IL1RAPL2: variants seen among roughly 807,000 people sequenced by gnomAD.
The protein encoded by IL1RAPL2 is X-linked interleukin-1 receptor accessory protein-like 2.
In IL1RAPL2, 3 loss-of-function variants were observed where a neutral mutation model predicts 44.1. The ratio of observed to expected loss-of-function variants is 0.07; its 90% CI spans 0.03 to 0.18. The LOEUF (loss-of-function observed/expected upper bound fraction) is 0.18, where lower values mean the gene tolerates loss of function less well. IL1RAPL2 is among the 10% of genes least tolerant of loss of function. The pLI, the probability that IL1RAPL2 is intolerant of heterozygous loss-of-function variation, is 1.00. For synonymous variants in IL1RAPL2, 181 were observed against 178.8 expected, an observed-to-expected ratio of 1.01 and a Z score of -0.10; for missense variants, 391 against 496.4, an observed-to-expected ratio of 0.79 and a Z score of 2.02.
intron 4 of IL1RAPL2, among the ~76,000 whole-genome samples, chrX:105,243,624 G>A (rs1408385196): frequency 2.0e-5 from 2 of 102,257 alleles, no homozygotes; most frequent in Admixed American, 2.2e-4. Flanking sequence ...TTACAAAAGA[G>A]TTTTAAGATA....
chrX:105,665,344 C>CGT (rs58453498), intron 6 of IL1RAPL2, among the ~76,000 whole-genome samples: 2,502 of 98,478 alleles, frequency 0.025, 57 homozygotes, highest in East Asian at 0.094. Flanking sequence ...TATGCGCGTG[C>CGT]GTGTGTGTGT....
intron 2 of IL1RAPL2, among the ~76,000 whole-genome samples, chrX:104,811,750 C>T (rs1207579287): frequency 1.8e-5 from 2 of 110,714 alleles, no homozygotes; most frequent in Non-Finnish European, 3.8e-5. Context: ...GTGTCTGGGT[C>T]CCACAATGGG....
At chrX:105,237,942 G>A (rs2034136467) in intron 4 of IL1RAPL2, among the ~76,000 whole-genome samples, 1 of 112,196 alleles carries the variant, frequency 8.9e-6, no homozygotes, top group Non-Finnish European at 1.9e-5. Flanking sequence ...GAAATGTCCA[G>A]TGTGTTAAAA....
intron 2 of IL1RAPL2, among the ~76,000 whole-genome samples, chrX:105,110,751 A>G (rs1489291471): frequency 9.0e-6 from 1 of 110,846 alleles, no homozygotes; most frequent in East Asian, 2.8e-4. Context: ...AGCCTTGCCA[A>G]CATAGTGAAA....
intron 5 of IL1RAPL2, among the ~76,000 whole-genome samples, chrX:105,419,336 T>C (rs2035757398): frequency 8.9e-6 from 1 of 111,925 alleles, no homozygotes; most frequent in African/African-American, 3.2e-5. Context: ...CCTGATTTTC[T>C]AGGAAAATTA....
At chrX:105,155,117 A>C (rs1380493435) in intron 2 of IL1RAPL2, among the ~76,000 whole-genome samples, 1 of 111,671 alleles carries the variant, frequency 9.0e-6, no homozygotes. Flanking sequence ...TGCTTGTAAT[A>C]GTATAATAAT....
At chrX:104,813,135 G>T (rs1921038984) in intron 2 of IL1RAPL2, among the ~76,000 whole-genome samples, 2 of 111,869 alleles carry the variant, frequency 1.8e-5, no homozygotes, top group African/African-American at 6.5e-5. Context: ...TACTTTTATG[G>T]CTGGCCTCAT....
At chrX:104,832,224 G>T (rs779257462) in intron 2 of IL1RAPL2, among the ~76,000 whole-genome samples, 1 of 111,810 alleles carries the variant, frequency 8.9e-6, no homozygotes, top group East Asian at 2.8e-4. Context: ...TAAATGTAAA[G>T]TATTTTCGCT....
chrX:104,866,563 G>C (rs772213226), intron 2 of IL1RAPL2, among the ~76,000 whole-genome samples: 1 of 111,587 alleles, frequency 9.0e-6, no homozygotes, highest in Non-Finnish European at 1.9e-5. Context: ...AGTGGCAAAG[G>C]AGAGTAGTTG....
chrX:104,637,840 G>A (rs1019990714), intron 1 of IL1RAPL2, among the ~76,000 whole-genome samples: 15 of 109,717 alleles, frequency 1.4e-4, no homozygotes, highest in Non-Finnish European at 3.8e-5. Flanking sequence ...GTCTGTGTGT[G>A]TGATTATATG....
intron 1 of IL1RAPL2, among the ~76,000 whole-genome samples, chrX:104,601,132 C>CT (rs770554025): frequency 2.1e-3 from 236 of 110,501 alleles, no homozygotes; most frequent in African/African-American, 4.2e-3. Flanking sequence ...GAGCAATTTT[C>CT]TTTTTTTTTA....
rs1381544964 is a variant in IL1RAPL2 at position 105,739,646 on chromosome X, A to G, written c.903-900A>G. Among the ~76,000 whole-genome samples, 6 of 106,240 alleles carry G rather than the reference A, an allele frequency of 5.6e-5. No homozygotes were observed. The East Asian group carries it at 9.3e-4, about 17-fold the overall frequency. 92.3% of individuals were successfully genotyped at this position (106,240 alleles called of 115,157 possible). A position where few individuals can be genotyped will look rare whatever the true frequency, so the allele number is the denominator to read the frequency against. ...AGTTTACTGAGAATGATGATTTCCA[A>G]TTTCATCCATGTCCCTGCAAAGGAC... On this transcript the variant is annotated intron_variant, in intron 7 of 10. Transcript: ENST00000372582.
chrX:104,582,704 CCTTT>C (rs1385972976), intron 1 of IL1RAPL2, among the ~76,000 whole-genome samples: 26 of 83,416 alleles, frequency 3.1e-4, no homozygotes, highest in Non-Finnish European at 5.9e-4. Context: ...CTCTCTCTCT[CCTTT>C]ATTTCTTTCT....
intron 6 of IL1RAPL2, among the ~76,000 whole-genome samples, chrX:105,696,635 G>A (rs1281914218): frequency 1.8e-5 from 2 of 111,551 alleles, no homozygotes; most frequent in Non-Finnish European, 3.8e-5. Context: ...CATCCATGAG[G>A]GAATTTGTAA....
At chrX:104,691,863 G>A (rs908878675) in intron 2 of IL1RAPL2, among the ~76,000 whole-genome samples, 3 of 111,341 alleles carry the variant, frequency 2.7e-5, no homozygotes, top group East Asian at 5.7e-4. Flanking sequence ...GTATGGTAAC[G>A]ATAGAGTGAG....
At chrX:105,753,118 G>T in intron 9 of IL1RAPL2, 1 of 292,547 alleles carries the variant, frequency 3.4e-6, no homozygotes, top group Non-Finnish European at 6.6e-6. Flanking sequence ...TGCAATATCA[G>T]AATATAGGTG....
chrX:105,536,770 A>G (rs2036680448), intron 6 of IL1RAPL2, among the ~76,000 whole-genome samples: 1 of 112,012 alleles, frequency 8.9e-6, no homozygotes, highest in Admixed American at 9.5e-5. Flanking sequence ...GTGTTTTCAA[A>G]CTGATGTATG....
chrX:105,334,272 C>A (rs1470956542), intron 5 of IL1RAPL2, among the ~76,000 whole-genome samples: 1 of 111,719 alleles, frequency 9.0e-6, no homozygotes, highest in Admixed American at 9.5e-5. Flanking sequence ...AAAAAGACAG[C>A]ATTGCATGTT....
intron 6 of IL1RAPL2, among the ~76,000 whole-genome samples, chrX:105,651,181 A>G: frequency 9.0e-6 from 1 of 111,482 alleles, no homozygotes. Context: ...ATGAAAACCA[A>G]GGGGAATTAA....
Sources: allele counts gnomAD v4.1 joint callset (sites outside exome capture counted in the v4.1 genomes callset), GRCh38; gene constraint gnomAD v4.1.1; transcripts MANE v1.5; gene names NCBI Gene and HGNC (gene_info 2026-07-23, HGNC 2026-07-21).